Variants in NHSL2 observed in about 807,000 individuals in gnomAD.
The protein encoded by NHSL2 is NHS like 2.
Under a neutral mutation model 53.4 loss-of-function variants are expected in NHSL2, and 27 were observed. That is an observed-to-expected ratio of 0.51 (90% CI 0.37 to 0.70). NHSL2 has a LOEUF of 0.70. Among genes scored for constraint, NHSL2 ranks in the 30% least tolerant of loss-of-function variants. NHSL2 has a pLI of 0.00. For synonymous variants in NHSL2, 408 were observed against 404.1 expected, an observed-to-expected ratio of 1.01 and a Z score of -0.12; for missense variants, 892 against 980.1, an observed-to-expected ratio of 0.91 and a Z score of 1.20.
At chrX:72,080,533 TCC>T (rs1396501771) in intron 1 of NHSL2, among the ~76,000 whole-genome samples, 1 of 107,271 alleles carries the variant, frequency 9.3e-6, no homozygotes, top group Non-Finnish European at 1.9e-5. Flanking sequence ...TATTCTGGGA[TCC>T]TAAAGGATTA....
intron 1 of NHSL2, among the ~76,000 whole-genome samples, chrX:72,100,753 C>A (rs970737265): frequency 8.9e-6 from 1 of 112,494 alleles, no homozygotes; most frequent in Non-Finnish European, 1.9e-5. Flanking sequence ...ATCCTGAATC[C>A]ATGCCCCCAC....
intron 1 of NHSL2, among the ~76,000 whole-genome samples, chrX:72,065,683 T>C (rs1258702771): frequency 5.4e-5 from 6 of 111,708 alleles, no homozygotes; most frequent in Non-Finnish European, 3.8e-5. Flanking sequence ...GCTTACAAGT[T>C]AGGTGTTTTC....
intron 1 of NHSL2, chrX:72,128,093 A>G (rs2042245568): frequency 8.9e-6 from 1 of 111,878 alleles, no homozygotes; most frequent in African/African-American, 3.3e-5. Flanking sequence ...AGGTAGCAAC[A>G]GGTTATAGGA....
rs1334260254 is a variant in NHSL2, at chrX:71,911,146, A to G, written c.59A>G (p.Gln20Arg). The change falls in exon 1 of 8, where the codon CAG becomes CGG. Residue 20 changes from glutamine to arginine, a missense_variant. By Grantham distance (43) the Gln-to-Arg change is conservative (BLOSUM62 1). Transcript: ENST00000633930. The part of the protein sequence containing the change: ...PQRLCPRNPP[Q>R]QLAELRDVSH... Reference sequence around the variant, plus strand: ...CGCCTGTGCCCGCGCAACCCGCCGCAGCAGCTGGCGGAGCTCCGCGACGTG... The same window carrying G: ...CGCCTGTGCCCGCGCAACCCGCCGCGGCAGCTGGCGGAGCTCCGCGACGTG... 3.6e-6 allele frequency: 4 copies of G among 1,122,119 alleles called. No homozygotes were observed. The South Asian group carries it at 6.1e-5, about 17-fold the overall frequency. The allele number at this position is 1,122,119 out of a possible 1,213,427, so 92.5% of individuals were successfully genotyped here. A position where few individuals can be genotyped will look rare whatever the true frequency, so the allele number is the denominator to read the frequency against.
intron 1 of NHSL2, among the ~76,000 whole-genome samples, chrX:72,060,082 A>G (rs2042391433): frequency 1.8e-5 from 2 of 111,939 alleles, no homozygotes; most frequent in African/African-American, 6.5e-5. Flanking sequence ...AGTGCATTTG[A>G]CCTCAGAAGC....
intron 1 of NHSL2, among the ~76,000 whole-genome samples, chrX:71,958,613 C>T (rs1299839003): frequency 1.8e-5 from 2 of 111,447 alleles, no homozygotes; most frequent in Admixed American, 9.5e-5. Flanking sequence ...AATTGGGTAG[C>T]GACATTCCTG....
intron 1 of NHSL2, among the ~76,000 whole-genome samples, chrX:72,092,862 G>T (rs1384938032): frequency 8.9e-6 from 1 of 112,095 alleles, no homozygotes; most frequent in South Asian, 3.6e-4. Flanking sequence ...TGGTGACCTT[G>T]GGCAAGTTTC....
intron 1 of NHSL2, among the ~76,000 whole-genome samples, chrX:72,116,792 G>GTGGGGA (rs1371902572): frequency 9.0e-6 from 1 of 111,268 alleles, no homozygotes; most frequent in Admixed American, 9.5e-5. Flanking sequence ...CAGCTAGGGG[G>GTGGGGA]TGCTCATGGG....
At chrX:72,017,298 T>C (rs1225385708) in intron 1 of NHSL2, among the ~76,000 whole-genome samples, 1 of 112,535 alleles carries the variant, frequency 8.9e-6, no homozygotes, top group Non-Finnish European at 1.9e-5. Flanking sequence ...TGCTGACACC[T>C]GGATACATTA....
intron 1 of NHSL2, among the ~76,000 whole-genome samples, chrX:72,049,727 A>C (rs770950591): frequency 1.9e-5 from 2 of 107,851 alleles, no homozygotes; most frequent in Admixed American, 2.0e-4. Flanking sequence ...AATGATAGAA[A>C]TTATCTAGAA....
Position 72,143,290 on chromosome X carries a change from G to A in NHSL2, c.3394G>A (p.Glu1132Lys). 1.1e-5 allele frequency: 13 copies of A among 1,165,627 alleles called. No individual in the cohort carries two copies. Among genetic ancestry groups the A allele is most frequent in the Non-Finnish European group, 1.5e-5 (13 of 871,742 alleles). Residue 1132 changes from glutamate (E) to lysine (K), a missense_variant, in exon 8 of 8, where the codon GAG becomes AAG. Coordinates refer to ENST00000633930, the MANE Select transcript of NHSL2 (RefSeq NM_001013627.3). ...RKLLGWKEPG[E>K]AFVGGRTSSH... ...GCTGCTCGGCTGGAAGGAACCTGGT[G>A]AGGCCTTTGTGGGTGGCAGAACGAG...
chrX:71,999,056 A>G (rs1465254633), intron 1 of NHSL2, among the ~76,000 whole-genome samples: 2 of 112,295 alleles, frequency 1.8e-5, no homozygotes, highest in East Asian at 5.6e-4. Context: ...ACATCATCTT[A>G]CATGAGAAGC....
intron 1 of NHSL2, among the ~76,000 whole-genome samples, chrX:71,951,883 C>T (rs1169810032): frequency 1.8e-5 from 2 of 111,895 alleles, no homozygotes; most frequent in Non-Finnish European, 3.8e-5. Flanking sequence ...TCCATAAGCC[C>T]TAAGATTTCT....
chrX:72,130,473 C>A lies in NHSL2; in HGVS notation c.281-1606C>A, dbSNP rs768655277. The A allele has an allele frequency of 5.8e-6, 7 of 1,210,844 alleles. No homozygotes were observed. In the South Asian group the frequency reaches 1.1e-4, roughly 18 times the overall value. On this transcript the variant is annotated intron_variant, in intron 1 of 7. Coordinates refer to ENST00000633930, the MANE Select transcript of NHSL2 (RefSeq NM_001013627.3). ...GCTTCCTCTGGTCCTTGGAGTGAAG[C>A]CTGTGCCTGCGTGCCTCTTGGTCTT...
chrX:71,979,822 A>G (rs1407760295), intron 1 of NHSL2, among the ~76,000 whole-genome samples: 2 of 111,030 alleles, frequency 1.8e-5, no homozygotes, highest in African/African-American at 3.3e-5. Flanking sequence ...TGTTTTAGAC[A>G]TGAAGTCCTT....
At chrX:72,003,536 A>G (rs529121341) in intron 1 of NHSL2, among the ~76,000 whole-genome samples, 1 of 111,399 alleles carries the variant, frequency 9.0e-6, no homozygotes, top group Non-Finnish European at 1.9e-5. Context: ...TCCTACAAGT[A>G]TGGCCTTATG....
At position 71,930,596 on chromosome X, in the gene NHSL2, A is replaced by G. The variant is rs1248489018; in HGVS notation, c.280+19229A>G. ...AACCACTAATTTACTTTGTGTCTCT[A>G]TGGATTTGCCCATTTTGGAAATTTC... On this transcript the variant is annotated intron_variant, in intron 1 of 7. Coordinates refer to ENST00000633930, the MANE Select transcript of NHSL2 (RefSeq NM_001013627.3). Among the ~76,000 whole-genome samples the G allele has an allele frequency of 2.7e-5, 3 of 112,063 alleles. No homozygotes were observed. The Admixed American group carries it at 2.8e-4, about 11-fold the overall frequency.
intron 7 of NHSL2, among the ~76,000 whole-genome samples, chrX:72,142,717 T>C (rs1323691550): frequency 9.0e-6 from 1 of 111,279 alleles, no homozygotes; most frequent in Non-Finnish European, 1.9e-5. Flanking sequence ...CTGTCTATAG[T>C]CAGAGACATT....
intron 1 of NHSL2, among the ~76,000 whole-genome samples, chrX:72,047,424 T>G (rs1380423173): frequency 2.7e-5 from 3 of 112,437 alleles, no homozygotes; most frequent in Non-Finnish European, 5.6e-5. Flanking sequence ...TCAGGGACTT[T>G]GTCTTCTCAC....
Sources: gnomAD v4.1 joint callset for allele counts (sites outside exome capture counted in the v4.1 genomes callset) on GRCh38, gnomAD v4.1.1 for gene constraint, MANE v1.5 for transcripts, NCBI Gene and HGNC (gene_info 2026-07-23, HGNC 2026-07-21) for gene names.